The following GPR26 variants were observed in gnomAD, a reference collection of about 807,000 sequenced individuals.
GPR26 encodes G protein-coupled receptor 26.
Under a neutral mutation model 23.1 loss-of-function variants are expected in GPR26, and 15 were observed. The observed-to-expected ratio is 0.65, with a 90% CI of 0.43 to 1.00. The LOEUF is 1.00. GPR26 is among the 50% of genes least tolerant of loss of function. The pLI is 0.00. For synonymous variants in GPR26, 228 were observed against 222.1 expected, an observed-to-expected ratio of 1.03 and a Z score of -0.24; for missense variants, 359 against 470.5, an observed-to-expected ratio of 0.76 and a Z score of 2.19.
At chr10:123,684,466 G>A (rs1031338816) in intron 2 of GPR26, among the ~76,000 whole-genome samples, 3 of 152,130 alleles carry the variant, frequency 2.0e-5, no homozygotes, top group Admixed American at 6.5e-5. Context: ...TAGGGCTGCC[G>A]TAACAGAGTA....
chr10:123,688,702 G>A lies in GPR26; in HGVS notation c.*542G>A, dbSNP rs971142622. 2 of 158,690 alleles carry A rather than the reference G, an allele frequency of 1.3e-5. No individual in the cohort carries two copies. The highest frequency in any genetic ancestry group is 1.2e-4 in the Admixed American group (2 of 17,004). 9.8% of individuals were successfully genotyped at this position (158,690 alleles called of 1,614,324 possible). On this transcript the variant is annotated 3_prime_UTR_variant, in exon 3 of 3. Transcript: ENST00000284674. ...ATTCAGCTGGTACTAACGACATTGTGCCCAGCTGGGACTCTTGGGCTCTGT... is the reference window on the plus strand; with the variant it reads ...ATTCAGCTGGTACTAACGACATTGTACCCAGCTGGGACTCTTGGGCTCTGT...
At chr10:123,680,838 G>T (rs201663773) in intron 2 of GPR26, among the ~76,000 whole-genome samples, 1,444 of 94,932 alleles carry the variant, frequency 0.015, 54 homozygotes, top group East Asian at 0.082. Flanking sequence ...GGGGGGGGGG[G>T]TTGTTTTTTT....
intron 1 of GPR26, among the ~76,000 whole-genome samples, chr10:123,669,038 G>C (rs896268181): frequency 1.3e-5 from 2 of 152,160 alleles, no homozygotes; most frequent in Non-Finnish European, 2.9e-5. Flanking sequence ...GCTTGCCTTC[G>C]ATTTCCCCTC....
At chr10:123,670,454 A>G (rs1845236294) in intron 1 of GPR26, among the ~76,000 whole-genome samples, 2 of 152,230 alleles carry the variant, frequency 1.3e-5, no homozygotes, top group African/African-American at 4.8e-5. Flanking sequence ...CTGTGTCTAT[A>G]GAGACTTAGA....
intron 2 of GPR26, among the ~76,000 whole-genome samples, chr10:123,682,284 A>G (rs984491869): frequency 1.3e-5 from 2 of 152,210 alleles, no homozygotes; most frequent in East Asian, 1.9e-4. Context: ...CCAAGAGACC[A>G]TCAGCACTGG....
chr10:123,684,160 T>C (rs1235041185), intron 2 of GPR26, among the ~76,000 whole-genome samples: 1 of 152,210 alleles, frequency 6.6e-6, no homozygotes, highest in Non-Finnish European at 1.5e-5. Flanking sequence ...TGGAGCCTCA[T>C]GTCCCAGAGA....
chr10:123,677,638 TGTA>T lies in GPR26; in HGVS notation c.782+2710_782+2712del, dbSNP rs1374859439. Among the ~76,000 whole-genome samples the T allele has an allele frequency of 2.0e-5, 3 of 152,110 alleles. No individual in the cohort carries two copies. The East Asian group carries it at 5.8e-4, about 29-fold the overall frequency. On this transcript the variant is annotated intron_variant, in intron 2 of 2. Coordinates refer to ENST00000284674, the MANE Select transcript of GPR26 (RefSeq NM_153442.4). ...TCCCCTCTGCTGGGGACATTGATCT[TGTA>T]GTCCTCTAACCCAGATGGAGCACTG...
chr10:123,685,974 C>T (rs995283368), intron 2 of GPR26, among the ~76,000 whole-genome samples: 1 of 152,184 alleles, frequency 6.6e-6, no homozygotes, highest in Non-Finnish European at 1.5e-5. Flanking sequence ...ATGTCTGAGC[C>T]AGGTGGAGAG....
intron 1 of GPR26, among the ~76,000 whole-genome samples, chr10:123,667,414 C>G (rs1171954389): frequency 2.0e-5 from 3 of 152,118 alleles, no homozygotes; most frequent in African/African-American, 7.2e-5. Context: ...GTCTTTGTTC[C>G]CTATTAAAGA....
chr10:123,675,833 C>CGGGTGTGTGTGTGTGTGT (rs1845302700), intron 2 of GPR26, among the ~76,000 whole-genome samples: 1 of 134,096 alleles, frequency 7.5e-6, no homozygotes. Flanking sequence ...TGTGTGTGTA[C>CGGGTGTGTGTGTGTGTGT]GTGTGTGTGT....
chr10:123,675,819 C>CGTGTGTGTGT (rs1176442924), intron 2 of GPR26, among the ~76,000 whole-genome samples: 75 of 16,638 alleles, frequency 4.5e-3, no homozygotes, highest in East Asian at 0.03. Flanking sequence ...TGTGTGTGTA[C>CGTGTGTGTGT]GTGTGTGTGT....
chr10:123,679,590 C>G (rs1845346028), intron 2 of GPR26, among the ~76,000 whole-genome samples: 1 of 151,450 alleles, frequency 6.6e-6, no homozygotes, highest in Non-Finnish European at 1.5e-5. Flanking sequence ...ACCCATTTTA[C>G]TGCTGGAGGA....
chr10:123,685,962 C>T (rs1845427722), intron 2 of GPR26, among the ~76,000 whole-genome samples: 1 of 152,214 alleles, frequency 6.6e-6, no homozygotes, highest in Non-Finnish European at 1.5e-5. Flanking sequence ...CTGGGAATTA[C>T]GATGTCTGAG....
At position 123,666,533 on chromosome 10, in the gene GPR26, G is replaced by C; in HGVS notation, c.126G>C (p.Ala42=). 6.3e-7 allele frequency: 1 copy of C among 1,589,534 alleles called. No homozygotes were observed. The highest frequency in any genetic ancestry group is 1.3e-5 in the African/African-American group (1 of 74,350). Residue 42 remains alanine, a synonymous_variant, in exon 1 of 3, where the codon GCG becomes GCC. Transcript: ENST00000284674. ...HSADIRRQAP[A]LFTLNLTCGN... is the part of the protein sequence containing the mutation. ...CGGACATCCGCCGCCAGGCGCCGGCGCTCTTCACCCTGAACCTCACGTGCG... is the reference window on the plus strand; with the variant it reads ...CGGACATCCGCCGCCAGGCGCCGGCCCTCTTCACCCTGAACCTCACGTGCG...
At chr10:123,686,323 C>T (rs933837787) in intron 2 of GPR26, among the ~76,000 whole-genome samples, 3 of 152,114 alleles carry the variant, frequency 2.0e-5, no homozygotes, top group African/African-American at 7.2e-5. Context: ...GTTTTTTTGT[C>T]CCTTTGAATT....
Position 123,674,748 on chromosome 10 carries a change from G to C in GPR26, c.669-70G>C. The C allele has an allele frequency of 2.1e-6, 2 of 975,598 alleles. No individual in the cohort carries two copies. The highest frequency in any genetic ancestry group is 3.2e-6 in the Non-Finnish European group (2 of 622,466). The allele number at this position is 975,598 out of a possible 1,614,324, so 60.4% of individuals were successfully genotyped here. On this transcript the variant is annotated intron_variant, in intron 1 of 2. Transcript: ENST00000284674. The surrounding 1 kb of genome is among the most constrained non-coding windows in gnomAD (Gnocchi z 4.1). ...ACACTAGAGACTGCTGCCTGTGTTA[G>C]TAAATAGTGCCTCATCCTGACCTAG...
Position 123,689,094 on chromosome 10 carries a change from AGAACTGGCC to A in GPR26, c.*935_*943del, listed in dbSNP as rs1845462461. 1 of 152,242 alleles carries A rather than the reference AGAACTGGCC, an allele frequency of 6.6e-6. No homozygotes were observed. The highest frequency in any genetic ancestry group is 2.4e-5 in the African/African-American group (1 of 41,448). The allele number at this position is 152,242 out of a possible 1,614,324, so 9.4% of individuals were successfully genotyped here. A position where few individuals can be genotyped will look rare whatever the true frequency, so the allele number is the denominator to read the frequency against. On this transcript the variant is annotated 3_prime_UTR_variant, in exon 3 of 3. Transcript: ENST00000284674. ...GCATGTCCTGGGAGATGGATGGGCA[AGAACTGGCC>A]TGAGCAGGGATTTTTGCCTTGATTT...
chr10:123,671,804 G>T (rs1845252803), intron 1 of GPR26, among the ~76,000 whole-genome samples: 1 of 152,098 alleles, frequency 6.6e-6, no homozygotes, highest in South Asian at 2.1e-4. Context: ...TGTAACCTTG[G>T]GCATGTTGTA....
chr10:123,683,750 A>G (rs1393746847), intron 2 of GPR26, among the ~76,000 whole-genome samples: 1 of 152,206 alleles, frequency 6.6e-6, no homozygotes, highest in Non-Finnish European at 1.5e-5. Flanking sequence ...TCCATGGAAT[A>G]GTTCCCTGGA....
Sources: gnomAD v4.1 joint callset for allele counts (sites outside exome capture counted in the v4.1 genomes callset) on GRCh38, gnomAD v4.1.1 for gene constraint, Gnocchi (gnomAD v3.1) non-coding constraint, MANE v1.5 for transcripts, NCBI Gene and HGNC (gene_info 2026-07-23, HGNC 2026-07-21) for gene names.